WASHC4: variants seen among roughly 807,000 people sequenced by gnomAD.
The protein encoded by WASHC4 is WASH complex subunit 7.
Under a neutral mutation model 166.6 loss-of-function variants are expected in WASHC4, and 86 were observed. That is an observed-to-expected ratio of 0.52 (90% CI 0.43 to 0.62). WASHC4 has a LOEUF of 0.62. Ranked by LOEUF, WASHC4 falls within the 20% of genes least tolerant of loss-of-function variation. The pLI is 0.00. For missense variants in WASHC4, 1,262 were observed against 1,382.4 expected (o/e 0.91, Z 1.38); for synonymous variants, 446 against 451.6 (o/e 0.99, Z 0.16).
At chr12:105,145,646 C>T (rs1346545578) in intron 22 of WASHC4, among the ~76,000 whole-genome samples, 2 of 151,762 alleles carry the variant, frequency 1.3e-5, no homozygotes, top group African/African-American at 4.8e-5. Context: ...ATAAATAGTC[C>T]CAGCTCATGT....
chr12:105,148,744 T>C (rs1471087319), intron 24 of WASHC4: 1 of 985,284 alleles, frequency 1.0e-6, no homozygotes, highest in Admixed American at 6.1e-5. Context: ...GTCAAAATCA[T>C]TAGTAATACT....
intron 13 of WASHC4, among the ~76,000 whole-genome samples, chr12:105,131,559 C>G (rs1466128065): frequency 6.6e-6 from 1 of 152,184 alleles, no homozygotes; most frequent in African/African-American, 2.4e-5. Context: ...GACACAGTTG[C>G]TCATCAGGGA....
At chr12:105,140,189 C>G in intron 15 of WASHC4, 105 bp from the exon 16 acceptor site, 1 of 848,344 alleles carries the variant, frequency 1.2e-6, no homozygotes, top group East Asian at 2.5e-5. Context: ...TTTTTTGTAT[C>G]TCATTTACAA....
chr12:105,155,567 GT>G (rs11341383), intron 26 of WASHC4, among the ~76,000 whole-genome samples: 152,266 of 152,266 alleles, frequency 1, 76,133 homozygotes, highest in Non-Finnish European at 1. Context: ...GGCCGGGCAT[GT>G]GTGGCTCACA....
chr12:105,151,178 G>A (rs995459066), intron 25 of WASHC4, among the ~76,000 whole-genome samples: 6 of 144,146 alleles, frequency 4.2e-5, no homozygotes, highest in Admixed American at 6.9e-5. Flanking sequence ...AAAGAACGCC[G>A]TTTTCCTTTC....
chr12:105,119,701 A>T (rs1738141361), intron 7 of WASHC4, among the ~76,000 whole-genome samples: 1 of 152,196 alleles, frequency 6.6e-6, no homozygotes, highest in African/African-American at 2.4e-5. Context: ...CTGCCCTAGA[A>T]GGATGAAATT....
intron 2 of WASHC4, 73 bp from the exon 3 acceptor site, chr12:105,114,143 C>A: frequency 1.5e-6 from 2 of 1,349,000 alleles, no homozygotes; most frequent in Non-Finnish European, 2.1e-6. Flanking sequence ...ATAAAGCTAG[C>A]CTCAATTTGT....
At chr12:105,150,860 C>T (rs889139232) in intron 25 of WASHC4, among the ~76,000 whole-genome samples, 7 of 92,816 alleles carry the variant, frequency 7.5e-5, no homozygotes, top group South Asian at 5.0e-4. Flanking sequence ...GAGTGCCCAG[C>T]GAAGCGGGAA....
At chr12:105,115,104 A>T in intron 4 of WASHC4, 80 bp from the exon 5 acceptor site, 1 of 717,920 alleles carries the variant, frequency 1.4e-6, no homozygotes, top group Non-Finnish European at 2.5e-6. Context: ...TTTATTACTA[A>T]GTATACAGAT....
chr12:105,122,130 T>C lies in WASHC4; in HGVS notation c.678T>C (p.Ser226=), dbSNP rs1308051263. 1.3e-6 allele frequency: 2 copies of C among 1,598,362 alleles called. No homozygotes were observed. The highest frequency in any genetic ancestry group is 2.2e-5 in the East Asian group (1 of 44,684). The stretch of plus-strand genomic sequence containing the variant: ...AATTTTCCTCAAGGTTACTGAAATC[T>C]GTCCATCACAATCCTTCAAAATTTG... ...HWTMYKRLLK[S]VHHNPSKFGI... The change falls in exon 10 of 33, where the codon TCT becomes TCC. Residue 226 remains serine, a synonymous_variant. Transcript: ENST00000332180.
At chr12:105,166,746 G>A (rs961739838) in intron 32 of WASHC4, 118 bp from the exon 33 acceptor site, 3 of 722,746 alleles carry the variant, frequency 4.2e-6, no homozygotes, top group Non-Finnish European at 7.4e-6. Context: ...AACATTTGAT[G>A]GATGCAACTG....
chr12:105,139,844 T>C (rs949223159), intron 15 of WASHC4, among the ~76,000 whole-genome samples: 1 of 152,000 alleles, frequency 6.6e-6, no homozygotes, highest in African/African-American at 2.4e-5. Flanking sequence ...CAGAAGTGCT[T>C]AGTTTTAGTA....
At position 105,114,441 on chromosome 12, in the gene WASHC4, T is replaced by C. The variant is rs200619752; in HGVS notation, c.321+14T>C. 18 of 1,530,168 alleles carry C rather than the reference T, an allele frequency of 1.2e-5. No homozygotes were observed. Among genetic ancestry groups the C allele is most frequent in the Admixed American group, 1.8e-5 (1 of 56,700 alleles). The allele number at this position is 1,530,168 out of a possible 1,614,324, so 94.8% of individuals were successfully genotyped here. A position where few individuals can be genotyped will look rare whatever the true frequency, so the allele number is the denominator to read the frequency against. On this transcript the variant is annotated intron_variant, in intron 4 of 32. Coordinates refer to ENST00000332180, the MANE Select transcript of WASHC4 (RefSeq NM_015275.3). Reference sequence around the variant, plus strand: ...TTAAAATATGAGGTAATTATTTGAATTCTTGTCTTAAAACTTTAAAAACAT... The same window carrying C: ...TTAAAATATGAGGTAATTATTTGAACTCTTGTCTTAAAACTTTAAAAACAT...
intron 2 of WASHC4, among the ~76,000 whole-genome samples, chr12:105,112,585 T>C (rs1286487051): frequency 6.6e-6 from 1 of 152,172 alleles, no homozygotes; most frequent in African/African-American, 2.4e-5. Context: ...CAGCCTTTAT[T>C]GTCTTGATTA....
chr12:105,110,269 T>G (rs1183596992), intron 1 of WASHC4, among the ~76,000 whole-genome samples: 1 of 152,202 alleles, frequency 6.6e-6, no homozygotes, highest in African/African-American at 2.4e-5. Flanking sequence ...TTGCTTCACA[T>G]TGCTAATTTG....
At chr12:105,139,955 C>A (rs575336685) in intron 15 of WASHC4, among the ~76,000 whole-genome samples, 3 of 151,272 alleles carry the variant, frequency 2.0e-5, no homozygotes, top group Non-Finnish European at 4.4e-5. Flanking sequence ...GCCATCTCGG[C>A]TCACCTCAAC....
intron 26 of WASHC4, among the ~76,000 whole-genome samples, chr12:105,154,754 T>C (rs775163557): frequency 2.6e-5 from 4 of 152,214 alleles, no homozygotes; most frequent in Non-Finnish European, 4.4e-5. Flanking sequence ...GAGACCAGAT[T>C]TGAACCCAGG....
At chr12:105,160,264 CA>C in intron 29 of WASHC4, 116 bp downstream of exon 29, 2 of 853,218 alleles carry the variant, frequency 2.3e-6, no homozygotes, top group South Asian at 3.0e-5. Flanking sequence ...TTCCTGGTTG[CA>C]TATAAAACTA....
chr12:105,127,347 T>G (rs1433317178), intron 13 of WASHC4, 58 bp downstream of exon 13: 2 of 1,176,706 alleles, frequency 1.7e-6, no homozygotes, highest in Non-Finnish European at 2.5e-6. Context: ...TTTCAAAGAT[T>G]ATACTAACAC....
Sources: allele counts gnomAD v4.1 joint callset (sites outside exome capture counted in the v4.1 genomes callset), GRCh38; gene constraint gnomAD v4.1.1; transcripts MANE v1.5; gene names NCBI Gene and HGNC (gene_info 2026-07-23, HGNC 2026-07-21).